TSPEAR: variants seen among roughly 807,000 people sequenced by gnomAD.
The protein encoded by TSPEAR is thrombospondin-type laminin G domain and EAR repeat-containing protein.
A neutral mutation model predicts 71.6 loss-of-function variants in TSPEAR; 69 were observed. The observed-to-expected ratio is 0.96, with a 90% CI of 0.79 to 1.18. The LOEUF is 1.18. TSPEAR is among the 50% of genes most tolerant of loss of function. The probability of loss-of-function intolerance (pLI) is 0.00; values close to 1 mark genes in which losing one functional copy is unlikely to be tolerated. For missense variants in TSPEAR, 971 were observed against 894.9 expected (o/e 1.09, Z -1.09); for synonymous variants, 402 against 387.2 (o/e 1.04, Z -0.45).
chr21:44,500,975 A>T (rs2145901322), intron 11 of TSPEAR, among the ~76,000 whole-genome samples: 1 of 152,330 alleles, frequency 6.6e-6, no homozygotes, highest in Non-Finnish European at 1.5e-5. Context: ...CCCTGAGGTT[A>T]TACAACTGCC....
chr21:44,702,449 C>T lies in TSPEAR; in HGVS notation c.82+8984G>A, dbSNP rs562031524. 21 of 1,610,712 alleles carry T rather than the reference C, an allele frequency of 1.3e-5. No individual in the cohort carries two copies. The South Asian group carries it at 2.1e-4, about 16-fold the overall frequency. On this transcript the variant is annotated intron_variant, in intron 1 of 11. Transcript: ENST00000323084. ...TGCCAGCCAGCTTGCTGCACCTCCTCCCCAAGCCAGCAGTCCTGCTGTGTG... is the reference window on the plus strand; with the variant it reads ...TGCCAGCCAGCTTGCTGCACCTCCTTCCCAAGCCAGCAGTCCTGCTGTGTG...
At position 44,676,976 on chromosome 21, in the gene TSPEAR, C is replaced by T. The variant is rs371858936; in HGVS notation, c.82+34457G>A. On this transcript the variant is annotated intron_variant, in intron 1 of 11. Transcript: ENST00000323084. ...GAGAGCTTGTCAGCTGGGTCCGAAACGCTCATTCCTTTCCACCCAGGAAGG... is the reference window on the plus strand; with the variant it reads ...GAGAGCTTGTCAGCTGGGTCCGAAATGCTCATTCCTTTCCACCCAGGAAGG... 495 of 926,576 alleles carry T rather than the reference C, an allele frequency of 5.3e-4. 2 individuals carry two copies. In the East Asian group the frequency reaches 7.9e-3, roughly 15 times the overall value. The allele number at this position is 926,576 out of a possible 1,614,324, so 57.4% of individuals were successfully genotyped here.
In TSPEAR at chr21:44,695,842, G is replaced by C. The variant is rs1344245353; in HGVS notation, c.82+15591C>G. ...ACACACCAGGGCTTTTCACTTCAAG[G>C]GGCCCATCCACCACACACCTCGAGC... On this transcript the variant is annotated intron_variant, in intron 1 of 11. Coordinates refer to ENST00000323084, the MANE Select transcript of TSPEAR (RefSeq NM_144991.3). This position sits in a 1 kb window ranked among gnomAD's most constrained non-coding sequence, Gnocchi z 4.5. Among the ~76,000 whole-genome samples the C allele has an allele frequency of 1.3e-5, 2 of 151,936 alleles. No individual in the cohort carries two copies. The highest frequency in any genetic ancestry group is 3.9e-4 in the East Asian group (2 of 5,170).
At chr21:44,518,315 T>A in intron 9 of TSPEAR, 2 of 469,386 alleles carry the variant, frequency 4.3e-6, no homozygotes, top group Non-Finnish European at 8.8e-6. Flanking sequence ...ATGGCATGGG[T>A]GACACGCAGC....
In TSPEAR at chr21:44,710,325, C is replaced by T. The variant is rs151111479; in HGVS notation, c.82+1108G>A. Among the ~76,000 whole-genome samples, 8 of 152,262 alleles carry T rather than the reference C, an allele frequency of 5.3e-5. No individual in the cohort carries two copies. The highest frequency in any genetic ancestry group is 1.9e-4 in the African/African-American group (8 of 41,556). On this transcript the variant is annotated intron_variant, in intron 1 of 11. Transcript: ENST00000323084. This position sits in a 1 kb window ranked among gnomAD's most constrained non-coding sequence, Gnocchi z 4.6. Reference sequence around the variant, plus strand: ...CACCCAGGCAGTAATGGTTCCAGCACGGAAGGTCTACCTACCTCCCACTGC... The same window carrying T: ...CACCCAGGCAGTAATGGTTCCAGCATGGAAGGTCTACCTACCTCCCACTGC...
At chr21:44,523,275 TAGTC>T (rs1310165671) in intron 8 of TSPEAR, among the ~76,000 whole-genome samples, 1 of 151,794 alleles carries the variant, frequency 6.6e-6, no homozygotes, top group African/African-American at 2.4e-5. Context: ...GCCAGCCAAT[TAGTC>T]AGTGAGGTAT....
chr21:44,707,544 C>T (rs1318208077), intron 1 of TSPEAR, among the ~76,000 whole-genome samples: 2 of 151,988 alleles, frequency 1.3e-5, no homozygotes, highest in Admixed American at 1.3e-4. Flanking sequence ...GTGTGGGGCT[C>T]AGCCCTAAAG....
chr21:44,527,285 G>C lies in TSPEAR; in HGVS notation c.1149+7C>G, dbSNP rs1555915035. 1.9e-6 allele frequency: 3 copies of C among 1,614,118 alleles called. No individual in the cohort carries two copies. The highest frequency in any genetic ancestry group is 2.5e-6 in the Non-Finnish European group (3 of 1,179,978). On this transcript the variant is annotated splice_region_variant and intron_variant, in intron 7 of 11. Coordinates refer to ENST00000323084, the MANE Select transcript of TSPEAR (RefSeq NM_144991.3). ...GGGATGGAGAAAGTCACCGAACACA[G>C]ACTTGCCTTTTTCCCGATGGTGAAA... is the stretch of plus-strand genomic sequence containing the variant.
intron 1 of TSPEAR, among the ~76,000 whole-genome samples, chr21:44,684,792 G>T (rs1986780606): frequency 6.6e-6 from 1 of 152,252 alleles, no homozygotes; most frequent in Non-Finnish European, 1.5e-5. Context: ...AAAGGAGCAG[G>T]TAAATATCAA....
chr21:44,521,116 G>A (rs2145959172), intron 9 of TSPEAR, among the ~76,000 whole-genome samples: 1 of 152,352 alleles, frequency 6.6e-6, no homozygotes, highest in Admixed American at 6.5e-5. Flanking sequence ...CCAGGGAGGT[G>A]ATGTCTTATG....
At chr21:44,604,717 T>G (rs587716610) in intron 1 of TSPEAR, among the ~76,000 whole-genome samples, 1 of 152,270 alleles carries the variant, frequency 6.6e-6, no homozygotes, top group East Asian at 1.9e-4. Context: ...TGGCATCAGC[T>G]GTGGGCTTGT....
chr21:44,517,034 C>G (rs995228431), intron 9 of TSPEAR, among the ~76,000 whole-genome samples: 12 of 152,302 alleles, frequency 7.9e-5, no homozygotes, highest in Admixed American at 5.9e-4. Flanking sequence ...GGCCTGGCCC[C>G]TGTGTCTCTG....
At chr21:44,548,106 T>G (rs1307949785) in intron 2 of TSPEAR, among the ~76,000 whole-genome samples, 1 of 152,232 alleles carries the variant, frequency 6.6e-6, no homozygotes, top group Non-Finnish European at 1.5e-5. Context: ...GTGTAGCTGC[T>G]CTCTGCCTTG....
chr21:44,509,376 GC>G lies in TSPEAR; in HGVS notation c.1576del (p.Ala526LeufsTer43). The part of the protein sequence containing the change: ...QLFQSFPTFG[A>X]ADWEVFQIGE... ...GATCTGGAAGACCTCCCAGTCTGCA[GC>G]ACCGAACGTCTAGGACCAAAGGAGA... On this transcript the variant is annotated frameshift_variant, in exon 10 of 12. Coordinates refer to ENST00000323084, the MANE Select transcript of TSPEAR (RefSeq NM_144991.3). LOFTEE classifies it high-confidence loss of function. 6.2e-7 allele frequency: 1 copy of G among 1,613,348 alleles called. No homozygotes were observed. The highest frequency in any genetic ancestry group is 1.3e-5 in the African/African-American group (1 of 74,912).
chr21:44,609,111 A>T (rs782274321), intron 1 of TSPEAR, among the ~76,000 whole-genome samples: 4 of 152,324 alleles, frequency 2.6e-5, no homozygotes, highest in African/African-American at 9.6e-5. Context: ...GAACCATAAA[A>T]CAAAAGAGTT....
At chr21:44,575,273 G>A (rs587772092) in intron 1 of TSPEAR, 2 of 531,308 alleles carry the variant, frequency 3.8e-6, no homozygotes, top group East Asian at 6.7e-5. Flanking sequence ...GTTCAGCCTT[G>A]ACCCGTGAGG....
intron 1 of TSPEAR, chr21:44,591,941 C>T: frequency 1.2e-6 from 2 of 1,600,774 alleles, no homozygotes; most frequent in Non-Finnish European, 1.7e-6. Context: ...GGGCTGGACA[C>T]ACAGCTCACA....
Position 44,528,519 on chromosome 21 carries a change from G to A in TSPEAR, c.855C>T (p.Phe285=), listed in dbSNP as rs782143410. The change falls in exon 6 of 12, where the codon TTC becomes TTT. Residue 285 remains phenylalanine, a synonymous_variant. Coordinates refer to ENST00000323084, the MANE Select transcript of TSPEAR (RefSeq NM_144991.3). ...PPCTEVEDAQ[F]WFDASRKGLY... ...GGCCCTTCCGGCTGGCATCAAACCAGAACTGGGCGTCTTCCACCTCGGTAC... is the reference window on the plus strand; with the variant it reads ...GGCCCTTCCGGCTGGCATCAAACCAAAACTGGGCGTCTTCCACCTCGGTAC... 17 of 1,614,174 alleles carry A rather than the reference G, an allele frequency of 1.1e-5. No individual in the cohort carries two copies. The highest frequency in any genetic ancestry group is 1.4e-5 in the Non-Finnish European group (17 of 1,180,036).
At chr21:44,659,599 G>T (rs962326906) in intron 1 of TSPEAR, among the ~76,000 whole-genome samples, 6 of 152,138 alleles carry the variant, frequency 3.9e-5, no homozygotes, top group Non-Finnish European at 7.3e-5. Flanking sequence ...CCATTGTTGG[G>T]AGACAAAGAA....
Sources: allele counts gnomAD v4.1 joint callset (sites outside exome capture counted in the v4.1 genomes callset), GRCh38; gene constraint gnomAD v4.1.1; non-coding constraint Gnocchi (gnomAD v3.1); transcripts MANE v1.5; gene names NCBI Gene and HGNC (gene_info 2026-07-23, HGNC 2026-07-21).